The following PRKCD variants were observed in gnomAD, a reference collection of about 807,000 sequenced individuals.
PRKCD encodes protein kinase C delta type.
In PRKCD, 20 loss-of-function variants were observed where a neutral mutation model predicts 82.2. That is an observed-to-expected ratio of 0.24 (90% CI 0.17 to 0.35). The LOEUF (loss-of-function observed/expected upper bound fraction) is 0.35. Ranked by LOEUF, PRKCD falls within the 10% of genes least tolerant of loss-of-function variation. The pLI is 1.00. For missense variants in PRKCD, 607 were observed against 899.0 expected (o/e 0.68, Z 4.15); for synonymous variants, 317 against 337.0 (o/e 0.94, Z 0.65).
intron 2 of PRKCD, among the ~76,000 whole-genome samples, chr3:53,171,948 C>T (rs1017862605): frequency 2.8e-4 from 43 of 151,744 alleles, no homozygotes; most frequent in Admixed American, 1.5e-3. Context: ...TGGTGACAAC[C>T]GGGAGGGAGC....
intron 1 of PRKCD, among the ~76,000 whole-genome samples, chr3:53,164,009 C>T (rs1273256346): frequency 2.6e-5 from 4 of 152,154 alleles, no homozygotes; most frequent in Admixed American, 2.0e-4. Flanking sequence ...AAAGTACAGA[C>T]AAAAAGATAA....
At chr3:53,172,839 C>T (rs1459367604) in intron 2 of PRKCD, among the ~76,000 whole-genome samples, 1 of 152,222 alleles carries the variant, frequency 6.6e-6, no homozygotes, top group Non-Finnish European at 1.5e-5. Context: ...AAGCCTCTTT[C>T]CTCCAGCCCA....
Position 53,192,358 on chromosome 3 carries a change from G to A in PRKCD, c.*92G>A, listed in dbSNP as rs1575547446. The A allele has an allele frequency of 2.1e-5, 31 of 1,482,888 alleles. No homozygotes were observed. The East Asian group carries it at 7.1e-4, about 34-fold the overall frequency. The allele number at this position is 1,482,888 out of a possible 1,614,324, so 91.9% of individuals were successfully genotyped here. ...CAGTGGGACTGTGGTGACTTCTGCT[G>A]CTGGCCCCGCCCCTGCCCCCAGAGC... On this transcript the variant is annotated 3_prime_UTR_variant, in exon 19 of 19. Transcript: ENST00000330452.
intron 2 of PRKCD, among the ~76,000 whole-genome samples, chr3:53,177,207 C>T (rs1228860954): frequency 3.9e-5 from 6 of 152,194 alleles, no homozygotes; most frequent in African/African-American, 1.2e-4. Flanking sequence ...ACTCTGCTGC[C>T]TTGAACTCTT....
chr3:53,181,062 C>A, intron 4 of PRKCD, 145 bp from the exon 5 acceptor site: 1 of 815,004 alleles, frequency 1.2e-6, no homozygotes, highest in Non-Finnish European at 1.9e-6. Flanking sequence ...GGGGCCCTGC[C>A]CACACTGGGC....
At position 53,179,818 on chromosome 3, in the gene PRKCD, G is replaced by GTGTC. The variant is rs1178447820; in HGVS notation, c.315+43_315+44insGTCT. 6.5e-7 allele frequency: 1 copy of GTGTC among 1,540,990 alleles called. No individual in the cohort carries two copies. The highest frequency in any genetic ancestry group is 8.8e-7 in the Non-Finnish European group (1 of 1,139,372). On this transcript the variant is annotated intron_variant, in intron 4 of 18. Transcript: ENST00000330452. ...CCGTGCCGTGTGTGTGTGTGTGTGT[G>GTGTC]TCTGTGTGTGTGTGCATGCGTGCAT...
intron 18 of PRKCD, among the ~76,000 whole-genome samples, chr3:53,190,210 T>G (rs1052711712): frequency 6.6e-6 from 1 of 152,212 alleles, no homozygotes; most frequent in Non-Finnish European, 1.5e-5. Flanking sequence ...TCCCACTGTA[T>G]GCAGAGGACC....
At chr3:53,185,798 G>T in intron 11 of PRKCD, 98 bp downstream of exon 11, 1 of 1,524,922 alleles carries the variant, frequency 6.6e-7, no homozygotes, top group South Asian at 1.1e-5. Context: ...GACATGGAAG[G>T]AACCACCGGT....
intron 2 of PRKCD, among the ~76,000 whole-genome samples, chr3:53,170,567 C>G (rs927459139): frequency 6.6e-6 from 1 of 152,254 alleles, no homozygotes; most frequent in African/African-American, 2.4e-5. Context: ...CCAGCCCACT[C>G]CTTCCCTTAC....
chr3:53,178,279 G>A, intron 2 of PRKCD, 125 bp from the exon 3 acceptor site: 1 of 583,770 alleles, frequency 1.7e-6, no homozygotes, highest in East Asian at 2.9e-5. Context: ...ACTAGTGTGT[G>A]TGTGCATCAT....
intron 18 of PRKCD, among the ~76,000 whole-genome samples, chr3:53,191,855 G>A (rs1553670975): frequency 2.0e-5 from 3 of 152,160 alleles, no homozygotes; most frequent in East Asian, 1.9e-4. Flanking sequence ...GCTGTGATTC[G>A]GTGGTCTCTG....
In PRKCD at chr3:53,185,630, C is replaced by A. The variant is rs201862364; in HGVS notation, c.915C>A (p.Ala305=). ...TQRASRRSDS[A]SSEPVGIYQG... Reference sequence around the variant, plus strand: ...GAGCCTCCCGGAGATCAGACTCAGCCTCCTCAGAGCCTGTTGGGATATATC... The same window carrying A: ...GAGCCTCCCGGAGATCAGACTCAGCATCCTCAGAGCCTGTTGGGATATATC... The change falls in exon 11 of 19, where the codon GCC becomes GCA. Residue 305 remains alanine (A), a synonymous_variant. Coordinates refer to ENST00000330452, the MANE Select transcript of PRKCD (RefSeq NM_006254.4). The A allele has an allele frequency of 3.7e-6, 6 of 1,613,412 alleles. No individual in the cohort carries two copies. The highest frequency in any genetic ancestry group is 1.1e-5 in the South Asian group (1 of 91,094).
intron 18 of PRKCD, among the ~76,000 whole-genome samples, chr3:53,191,548 C>G (rs1162728919): frequency 6.6e-6 from 1 of 152,234 alleles, no homozygotes; most frequent in Non-Finnish European, 1.5e-5. Flanking sequence ...ATATTACCAT[C>G]CCATCATATC....
In PRKCD at chr3:53,185,979, C is replaced by T; in HGVS notation, c.1038C>T (p.Ile346=). 1 of 1,614,220 alleles carries T rather than the reference C, an allele frequency of 6.2e-7. No homozygotes were observed. The highest frequency in any genetic ancestry group is 8.5e-7 in the Non-Finnish European group (1 of 1,180,038). The change falls in exon 12 of 19, where the codon ATC becomes ATT. Residue 346 remains isoleucine, a synonymous_variant. Coordinates refer to ENST00000330452, the MANE Select transcript of PRKCD (RefSeq NM_006254.4). The stretch of plus-strand genomic sequence containing the variant: ...GGGAGGGCAGCAGCAAGTGCAACAT[C>T]AACAACTTCATCTTCCACAAGGTCC... ...KIWEGSSKCN[I]NNFIFHKVLG... is the part of the protein sequence containing the mutation.
Position 53,186,296 on chromosome 3 carries a change from G to A in PRKCD, c.1216G>A (p.Glu406Lys), listed in dbSNP as rs1553669067. 6.2e-7 allele frequency: 1 copy of A among 1,614,134 alleles called. No homozygotes were observed. Among genetic ancestry groups the A allele is most frequent in the Admixed American group, 1.7e-5 (1 of 60,020 alleles). ...VEKRVLTLAA[E>K]NPFLTHLICT... ...GAAGCGGGTGCTGACACTTGCCGCA[G>A]AGAATCCCTTTCTCACCCACCTCAT... The change falls in exon 13 of 19, where the codon GAG becomes AAG. Residue 406 changes from glutamate (E) to lysine (K), a missense_variant. Glu to Lys is a moderately conservative substitution (Grantham distance 56, BLOSUM62 1). Around this residue, in one of 5 missense-constraint regions of PRKCD, gnomAD observed 251 missense variants for 423.9 expected, o/e 0.59. Transcript: ENST00000330452.
Position 53,188,912 on chromosome 3 carries a change from G to A in PRKCD, c.1554+54G>A, listed in dbSNP as rs548907401. On this transcript the variant is annotated intron_variant, in intron 16 of 18. Transcript: ENST00000330452. ...TCAGTCAGGCACCTTGCCTCCCCAC[G>A]GTGGGCCAGGGAAGGATTCCCAAGG... 1.7e-5 allele frequency: 27 copies of A among 1,604,066 alleles called. No homozygotes were observed. The South Asian group carries it at 2.3e-4, about 14-fold the overall frequency.
intron 2 of PRKCD, among the ~76,000 whole-genome samples, chr3:53,172,979 T>G (rs1703090392): frequency 6.6e-6 from 1 of 152,210 alleles, no homozygotes; most frequent in South Asian, 2.1e-4. Context: ...GACCTTGGCC[T>G]TAGTTTCCTC....
chr3:53,181,942 G>A (rs1380059220), intron 7 of PRKCD: 14 of 762,920 alleles, frequency 1.8e-5, no homozygotes, highest in Non-Finnish European at 2.7e-5. Flanking sequence ...TCCCAGCTCC[G>A]CATTCAGTGA....
intron 3 of PRKCD, 25 bp from the exon 4 acceptor site, chr3:53,179,552 C>T: frequency 6.2e-7 from 1 of 1,613,966 alleles, no homozygotes; most frequent in Non-Finnish European, 8.5e-7. Context: ...CATGGCCCAA[C>T]CTTCTCTGCC....
Sources: gnomAD v4.1 joint callset for allele counts (sites outside exome capture counted in the v4.1 genomes callset) on GRCh38, gnomAD v4.1.1 for gene constraint, gnomAD v4.1.1 regional missense constraint, MANE v1.5 for transcripts, NCBI Gene and HGNC (gene_info 2026-07-23, HGNC 2026-07-21) for gene names.